CRYBG3: variants seen among roughly 807,000 people sequenced by gnomAD.
CRYBG3 encodes crystallin beta-gamma domain containing 3.
CRYBG3 carries 127 observed loss-of-function variants against 244.2 expected under a neutral mutation model. That is an observed-to-expected ratio of 0.52 (90% CI 0.45 to 0.60). The LOEUF (loss-of-function observed/expected upper bound fraction) is 0.60. CRYBG3 is among the 20% of genes least tolerant of loss of function. The probability of loss-of-function intolerance (pLI) is 0.00; values close to 1 mark genes in which losing one functional copy is unlikely to be tolerated. For synonymous variants in CRYBG3, 1,132 were observed against 1,195.8 expected (o/e 0.95, Z 1.10); for missense variants, 3,325 against 3,442.5 (o/e 0.97, Z 0.85).
At chr3:97,881,338 A>G in intron 7 of CRYBG3, 119 bp downstream of exon 7, 1 of 590,276 alleles carries the variant, frequency 1.7e-6, no homozygotes, top group Non-Finnish European at 2.8e-6. Flanking sequence ...ATTAATCTTC[A>G]TTACCATATT....
chr3:97,907,460 C>T (rs1370370679), intron 15 of CRYBG3, among the ~76,000 whole-genome samples: 1 of 150,950 alleles, frequency 6.6e-6, no homozygotes, highest in African/African-American at 2.4e-5. Context: ...CAACTTCTTC[C>T]TGGTTTAGTC....
At chr3:97,865,578 C>T (rs1171552013) in intron 3 of CRYBG3, among the ~76,000 whole-genome samples, 1 of 152,086 alleles carries the variant, frequency 6.6e-6, no homozygotes, top group Non-Finnish European at 1.5e-5. Flanking sequence ...GCTTGTTCAA[C>T]CTGATGTTAA....
chr3:97,892,572 G>T (rs2039591848), intron 10 of CRYBG3, among the ~76,000 whole-genome samples: 1 of 151,958 alleles, frequency 6.6e-6, no homozygotes, highest in Non-Finnish European at 1.5e-5. Flanking sequence ...AATTTGTGTT[G>T]CTCTGATAGG....
At chr3:97,839,755 CT>C (rs34730663) in intron 1 of CRYBG3, among the ~76,000 whole-genome samples, 32,797 of 146,110 alleles carry the variant, frequency 0.22, 3,817 homozygotes, top group Middle Eastern at 0.32. Context: ...GCCCAGCCCC[CT>C]TTTTTTTTTT....
chr3:97,924,618 T>C (rs909366517), intron 17 of CRYBG3, among the ~76,000 whole-genome samples: 1 of 152,066 alleles, frequency 6.6e-6, no homozygotes, highest in Admixed American at 6.6e-5. Flanking sequence ...TTCTAGCTTC[T>C]AGAGGCCACC....
At chr3:97,861,345 T>C (rs1398404368) in intron 2 of CRYBG3, among the ~76,000 whole-genome samples, 9 of 152,198 alleles carry the variant, frequency 5.9e-5, no homozygotes, top group Non-Finnish European at 1.0e-4. Flanking sequence ...ATTGTGTACA[T>C]ATCTCTTGTA....
At chr3:97,895,430 A>C (rs1445806223) in intron 11 of CRYBG3, among the ~76,000 whole-genome samples, 1 of 152,206 alleles carries the variant, frequency 6.6e-6, no homozygotes, top group South Asian at 2.1e-4. Flanking sequence ...ATAATAGCTC[A>C]GTCGAATTTC....
intron 17 of CRYBG3, among the ~76,000 whole-genome samples, chr3:97,925,405 G>T (rs1216828575): frequency 6.6e-6 from 1 of 152,080 alleles, no homozygotes; most frequent in Non-Finnish European, 1.5e-5. Context: ...GCTAGTGGAA[G>T]AAGTGTTAAT....
At chr3:97,831,701 G>A (rs1176930661) in intron 1 of CRYBG3, among the ~76,000 whole-genome samples, 1 of 151,994 alleles carries the variant, frequency 6.6e-6, no homozygotes, top group Non-Finnish European at 1.5e-5. Flanking sequence ...CTGTTAGAGT[G>A]GGGGGGATTA....
At chr3:97,943,074 C>T in intron 21 of CRYBG3, 152 bp from the exon 22 acceptor site, 1 of 596,804 alleles carries the variant, frequency 1.7e-6, no homozygotes, top group South Asian at 2.1e-5. Flanking sequence ...AATGGCTAAG[C>T]CTGTTCAAAC....
rs1263517612 is a variant in CRYBG3 at position 97,822,322 on chromosome 3, G to A, written c.116G>A (p.Ser39Asn). ...GAAGAGGAGGAGAGGCCGGGGACGA[G>A]CCCGCCTCCAGCTCCAGGCCGGTCC... Reference protein sequence around the residue: ...EEEEEERPGTSPPPAPGRSAA... With the variant: ...EEEEEERPGTNPPPAPGRSAA... Residue 39 changes from serine to asparagine, a missense_variant, in exon 1 of 22, where the codon AGC becomes AAC. Around this residue, in one of 4 missense-constraint regions of CRYBG3, gnomAD observed 1,526 missense variants for 1,443.2 expected, o/e 1.06. Transcript: ENST00000389622. The A allele has an allele frequency of 6.6e-6, 10 of 1,513,950 alleles. No homozygotes were observed. The East Asian group carries it at 1.8e-4, about 28-fold the overall frequency. 93.8% of individuals were successfully genotyped at this position (1,513,950 alleles called of 1,614,324 possible).
At chr3:97,887,772 A>C (rs976080084) in intron 8 of CRYBG3, among the ~76,000 whole-genome samples, 1 of 152,100 alleles carries the variant, frequency 6.6e-6, no homozygotes, top group African/African-American at 2.4e-5. Context: ...AAAACAACAA[A>C]AACAAAAACA....
Position 97,892,883 on chromosome 3 carries a change from C to T in CRYBG3, c.7464C>T (p.His2488=). ...NLKVIIYEKP[H]FHGQAKEFSE... Reference sequence around the variant, plus strand: ...AGGTTATTATTTATGAAAAACCTCACTTCCATGGACAGGCTAAAGAGTTTA... The same window carrying T: ...AGGTTATTATTTATGAAAAACCTCATTTCCATGGACAGGCTAAAGAGTTTA... Residue 2488 remains histidine, a synonymous_variant, in exon 11 of 22, where the codon CAC becomes CAT. Coordinates refer to ENST00000389622, the MANE Select transcript of CRYBG3 (RefSeq NM_153605.4). 6.6e-7 allele frequency: 1 copy of T among 1,513,888 alleles called. No individual in the cohort carries two copies. Among genetic ancestry groups the T allele is most frequent in the South Asian group, 1.2e-5 (1 of 80,394 alleles). The allele number at this position is 1,513,888 out of a possible 1,614,324, so 93.8% of individuals were successfully genotyped here. A position where few individuals can be genotyped will look rare whatever the true frequency, so the allele number is the denominator to read the frequency against.
chr3:97,839,875 C>T (rs1206397980), intron 1 of CRYBG3, among the ~76,000 whole-genome samples: 1 of 151,982 alleles, frequency 6.6e-6, no homozygotes, highest in African/African-American at 2.4e-5. Flanking sequence ...CACACCGCAC[C>T]TGGCCTGGTT....
chr3:97,910,328 C>G (rs962945214), intron 15 of CRYBG3, among the ~76,000 whole-genome samples: 1 of 152,238 alleles, frequency 6.6e-6, no homozygotes, highest in Non-Finnish European at 1.5e-5. Context: ...TGGGCAATGG[C>G]GGGCACCCCT....
Position 97,898,995 on chromosome 3 carries a change from A to C in CRYBG3, c.7814A>C (p.Lys2605Thr). The C allele has an allele frequency of 6.2e-7, 1 of 1,612,772 alleles. No individual in the cohort carries two copies. Among genetic ancestry groups the C allele is most frequent in the Non-Finnish European group, 8.5e-7 (1 of 1,179,590 alleles). ...TTGGAAGAAATTGGCTTTGGCAGTA[A>C]AACAAGATCCATTCATGTTAAAAGT... ...SDLEEIGFGS[K>T]TRSIHVKSGV... is the part of the protein sequence containing the mutation. The change falls in exon 13 of 22, where the codon AAA becomes ACA. Residue 2605 changes from lysine (K) to threonine (T), a missense_variant. Around this residue, in one of 4 missense-constraint regions of CRYBG3, gnomAD observed 714 missense variants for 803.6 expected, o/e 0.89. Transcript: ENST00000389622.
At chr3:97,938,332 A>G (rs776371185) in intron 19 of CRYBG3, among the ~76,000 whole-genome samples, 1 of 152,062 alleles carries the variant, frequency 6.6e-6, no homozygotes, top group Non-Finnish European at 1.5e-5. Context: ...TTAAGCAACC[A>G]CACTCTACTT....
Position 97,874,857 on chromosome 3 carries a change from G to C in CRYBG3, c.3663G>C (p.Val1221=). The stretch of plus-strand genomic sequence containing the variant: ...AAGAACTAAAATTCAAACACACAGT[G>C]AGTACCTGCCAGGAGCATATAGCCA... The part of the protein sequence containing the change: ...VREELKFKHT[V]STCQEHIAIE... The change falls in exon 4 of 22, where the codon GTG becomes GTC. Residue 1221 remains valine, a synonymous_variant. Transcript: ENST00000389622. 6.5e-7 allele frequency: 1 copy of C among 1,535,760 alleles called. No homozygotes were observed. Among genetic ancestry groups the C allele is most frequent in the Non-Finnish European group, 8.7e-7 (1 of 1,146,752 alleles).
At chr3:97,848,163 C>T (rs575058462) in intron 2 of CRYBG3, among the ~76,000 whole-genome samples, 16 of 152,148 alleles carry the variant, frequency 1.1e-4, no homozygotes, top group Non-Finnish European at 2.1e-4. Flanking sequence ...ATTAGGTTTT[C>T]AACTCTTTCT....
Sources: gnomAD v4.1 joint callset for allele counts (sites outside exome capture counted in the v4.1 genomes callset) on GRCh38, gnomAD v4.1.1 for gene constraint, gnomAD v4.1.1 regional missense constraint, MANE v1.5 for transcripts, NCBI Gene and HGNC (gene_info 2026-07-23, HGNC 2026-07-21) for gene names.